Variants in KCNMA1 observed in about 807,000 individuals in gnomAD.
The protein encoded by KCNMA1 is potassium calcium-activated channel subfamily M alpha 1.
Under a neutral mutation model 140.0 loss-of-function variants are expected in KCNMA1, and 29 were observed. The observed-to-expected ratio is 0.21, with a 90% CI of 0.15 to 0.28. The LOEUF is 0.28. KCNMA1 is among the 10% of genes least tolerant of loss of function. The probability of loss-of-function intolerance (pLI) is 1.00; values close to 1 mark genes in which losing one functional copy is unlikely to be tolerated. For missense variants in KCNMA1, 880 were observed against 1,602.2 expected, an observed-to-expected ratio of 0.55 and a Z score of 7.70; for synonymous variants, 612 against 611.9, an observed-to-expected ratio of 1.00 and a Z score of 0.00.
At chr10:77,264,138 G>A (rs953212433) in intron 2 of KCNMA1, among the ~76,000 whole-genome samples, 3 of 152,192 alleles carry the variant, frequency 2.0e-5, no homozygotes, top group East Asian at 3.9e-4. Context: ...ATGTGTATTC[G>A]CGCAAGTTTC....
intron 2 of KCNMA1, among the ~76,000 whole-genome samples, chr10:77,317,278 A>G (rs552256859): frequency 6.6e-6 from 1 of 152,314 alleles, no homozygotes; most frequent in African/African-American, 2.4e-5. Flanking sequence ...CCACCTGGGA[A>G]GTGCAACCTG....
intron 1 of KCNMA1, among the ~76,000 whole-genome samples, chr10:77,627,444 G>A (rs1188647709): frequency 6.6e-6 from 1 of 152,150 alleles, no homozygotes; most frequent in Admixed American, 6.5e-5. Flanking sequence ...GACCTCAGAA[G>A]GCAAACTTCA....
chr10:77,455,312 C>A (rs973139402), intron 1 of KCNMA1, among the ~76,000 whole-genome samples: 1 of 152,092 alleles, frequency 6.6e-6, no homozygotes, highest in African/African-American at 2.4e-5. Flanking sequence ...ATTAATGGAA[C>A]TCGAACCCAG....
At chr10:77,394,014 T>C (rs2095940966) in intron 2 of KCNMA1, among the ~76,000 whole-genome samples, 1 of 152,190 alleles carries the variant, frequency 6.6e-6, no homozygotes, top group African/African-American at 2.4e-5. Context: ...CACCAATCAA[T>C]GTCGGTGGAT....
intron 1 of KCNMA1, among the ~76,000 whole-genome samples, chr10:77,487,581 T>C (rs887328433): frequency 7.9e-5 from 12 of 152,098 alleles, no homozygotes; most frequent in Non-Finnish European, 1.8e-4. Context: ...ATAAAAGTAA[T>C]TAGATTAAAT....
intron 1 of KCNMA1, among the ~76,000 whole-genome samples, chr10:77,570,687 T>C (rs1603637147): frequency 6.6e-6 from 1 of 150,888 alleles, no homozygotes; most frequent in Non-Finnish European, 1.5e-5. Context: ...TGTATACATA[T>C]GTAACTAACC....
intron 3 of KCNMA1, among the ~76,000 whole-genome samples, chr10:77,190,028 T>G (rs1274108161): frequency 6.6e-6 from 1 of 152,184 alleles, no homozygotes; most frequent in East Asian, 1.9e-4. Context: ...CCTTCATTAT[T>G]TCATGAATGT....
intron 9 of KCNMA1, among the ~76,000 whole-genome samples, chr10:77,100,351 T>C (rs2097066218): frequency 6.6e-6 from 1 of 152,094 alleles, no homozygotes; most frequent in African/African-American, 2.4e-5. Context: ...ACTGCCCCCA[T>C]GTCCTCTTGT....
At chr10:77,174,405 G>A (rs1204890603) in intron 5 of KCNMA1, among the ~76,000 whole-genome samples, 1 of 152,192 alleles carries the variant, frequency 6.6e-6, no homozygotes, top group Non-Finnish European at 1.5e-5. Context: ...GCCATGGTGT[G>A]TGCTGTCACA....
chr10:77,265,682 GT>G (rs555462147), intron 2 of KCNMA1, among the ~76,000 whole-genome samples: 429 of 152,248 alleles, frequency 2.8e-3, no homozygotes, highest in Non-Finnish European at 4.8e-3. Flanking sequence ...AAGGTGTTTG[GT>G]TTTTAATTAA....
chr10:77,348,543 C>G (rs1403471256), intron 2 of KCNMA1, among the ~76,000 whole-genome samples: 1 of 152,154 alleles, frequency 6.6e-6, no homozygotes, highest in Non-Finnish European at 1.5e-5. Context: ...TGAGACCCAG[C>G]CCAGAACCTG....
chr10:77,413,263 G>A (rs912810316), intron 1 of KCNMA1, among the ~76,000 whole-genome samples: 2 of 152,102 alleles, frequency 1.3e-5, no homozygotes, highest in Non-Finnish European at 2.9e-5. Context: ...CAATACCTTA[G>A]GAAGCCCTGG....
chr10:77,092,308 T>C (rs752510147), intron 9 of KCNMA1: 1 of 152,240 alleles, frequency 6.6e-6, no homozygotes, highest in Non-Finnish European at 1.5e-5. Flanking sequence ...TACATTTACA[T>C]GGACAAAATA....
At chr10:77,334,431 G>T (rs1277458798) in intron 2 of KCNMA1, among the ~76,000 whole-genome samples, 1 of 152,130 alleles carries the variant, frequency 6.6e-6, no homozygotes, top group Admixed American at 6.5e-5. Context: ...ATTCCACCTT[G>T]CACTGTTTTC....
At chr10:77,244,494 A>G (rs1355187466) in intron 3 of KCNMA1, among the ~76,000 whole-genome samples, 5 of 152,334 alleles carry the variant, frequency 3.3e-5, no homozygotes, top group African/African-American at 9.6e-5. Context: ...GGAAGACAAG[A>G]TTTCCTCACC....
At chr10:77,319,405 A>T (rs771724527) in intron 2 of KCNMA1, among the ~76,000 whole-genome samples, 17 of 152,202 alleles carry the variant, frequency 1.1e-4, no homozygotes, top group Non-Finnish European at 1.9e-4. Context: ...AGTTTGCCTT[A>T]GTTCCTTCCA....
At chr10:77,370,014 T>C (rs898437073) in intron 2 of KCNMA1, among the ~76,000 whole-genome samples, 4 of 152,252 alleles carry the variant, frequency 2.6e-5, no homozygotes, top group African/African-American at 7.2e-5. Context: ...GTTAAAGGCA[T>C]GTCTCAGCTA....
At chr10:77,187,293 G>A (rs190045575) in intron 3 of KCNMA1, among the ~76,000 whole-genome samples, 1 of 152,290 alleles carries the variant, frequency 6.6e-6, no homozygotes, top group Non-Finnish European at 1.5e-5. Flanking sequence ...ATTGGCTGCA[G>A]TGACTTCTCC....
At chr10:77,295,184 C>G (rs2074537220) in intron 2 of KCNMA1, among the ~76,000 whole-genome samples, 1 of 151,728 alleles carries the variant, frequency 6.6e-6, no homozygotes, top group Non-Finnish European at 1.5e-5. Flanking sequence ...CCTGTCTCTA[C>G]TAAAAATACA....
Sources: allele counts gnomAD v4.1 joint callset (sites outside exome capture counted in the v4.1 genomes callset), GRCh38; gene constraint gnomAD v4.1.1; transcripts MANE v1.5; gene names NCBI Gene and HGNC (gene_info 2026-07-23, HGNC 2026-07-21).